Variants in ADAM32 observed in about 807,000 individuals in gnomAD.
ADAM32 encodes the protein disintegrin and metalloproteinase domain-containing protein 32.
Under a neutral mutation model 114.9 loss-of-function variants are expected in ADAM32, and 89 were observed. The ratio of observed to expected loss-of-function variants is 0.77; its 90% CI spans 0.65 to 0.92. ADAM32 has a LOEUF of 0.92. Among genes scored for constraint, ADAM32 ranks in the 40% least tolerant of loss-of-function variants. The pLI is 0.00. For missense variants in ADAM32, 870 were observed against 932.8 expected (o/e 0.93, Z 0.88); for synonymous variants, 285 against 307.5 (o/e 0.93, Z 0.77).
chr8:39,192,925 T>C (rs1564570039), intron 11 of ADAM32, among the ~76,000 whole-genome samples: 1 of 152,210 alleles, frequency 6.6e-6, no homozygotes, highest in Non-Finnish European at 1.5e-5. Flanking sequence ...TGACCTGTCC[T>C]TTCTATCTGG....
chr8:39,282,639 C>A (rs1813490186), intron 23 of ADAM32, among the ~76,000 whole-genome samples: 1 of 152,152 alleles, frequency 6.6e-6, no homozygotes, highest in Non-Finnish European at 1.5e-5. Flanking sequence ...ACTGTTAGAG[C>A]ATTTACTGTA....
chr8:39,201,102 T>C (rs1259477684), intron 11 of ADAM32, among the ~76,000 whole-genome samples: 1 of 152,204 alleles, frequency 6.6e-6, no homozygotes, highest in East Asian at 1.9e-4. Context: ...GACTTGGCAA[T>C]GAGGGCTCTT....
chr8:39,182,842 G>A (rs1805987820), intron 10 of ADAM32, among the ~76,000 whole-genome samples: 1 of 152,166 alleles, frequency 6.6e-6, no homozygotes, highest in South Asian at 2.1e-4. Context: ...GCTTTTGCAG[G>A]TGTTCTTTTC....
At chr8:39,141,322 C>A (rs1443382398) in intron 3 of ADAM32, among the ~76,000 whole-genome samples, 4 of 152,104 alleles carry the variant, frequency 2.6e-5, no homozygotes, top group South Asian at 2.1e-4. Context: ...CTTTTGTGGG[C>A]ATTTAGTGCT....
intron 9 of ADAM32, 95 bp downstream of exon 9, chr8:39,165,291 C>G (rs745634844): frequency 1.5e-5 from 14 of 963,210 alleles, no homozygotes; most frequent in Non-Finnish European, 1.9e-5. Context: ...TTCTGAATAT[C>G]CATGCTTTGA....
At chr8:39,134,707 T>C (rs544982185) in intron 2 of ADAM32, among the ~76,000 whole-genome samples, 1 of 152,318 alleles carries the variant, frequency 6.6e-6, no homozygotes, top group South Asian at 2.1e-4. Context: ...CTTCTGTATA[T>C]AGTCTGCAAA....
chr8:39,195,775 C>T (rs951726781), intron 11 of ADAM32, among the ~76,000 whole-genome samples: 1 of 152,088 alleles, frequency 6.6e-6, no homozygotes, highest in Admixed American at 6.6e-5. Context: ...TGTTTTTATA[C>T]CAATACTGTT....
At position 39,275,821 on chromosome 8, in the gene ADAM32, CT is replaced by C; in HGVS notation, c.2241-3del. The C allele has an allele frequency of 1.3e-6, 2 of 1,553,958 alleles. No homozygotes were observed. Among genetic ancestry groups the C allele is most frequent in the South Asian group, 1.2e-5 (1 of 82,774 alleles). ...CGTGGAAGCATTACTTTTTCGCTTTCTTTTAGAACCAGATCAGAAAGCAGCA... is the reference window on the plus strand; with the variant it reads ...CGTGGAAGCATTACTTTTTCGCTTTCTTTAGAACCAGATCAGAAAGCAGCA... On this transcript the variant is annotated splice_polypyrimidine_tract_variant and splice_region_variant and intron_variant, in intron 21 of 24. Coordinates refer to ENST00000379907, the MANE Select transcript of ADAM32 (RefSeq NM_145004.7).
At chr8:39,123,512 T>G (rs1801913920) in intron 2 of ADAM32, among the ~76,000 whole-genome samples, 1 of 152,178 alleles carries the variant, frequency 6.6e-6, no homozygotes, top group Non-Finnish European at 1.5e-5. Flanking sequence ...CAAATTCATT[T>G]CCCATATTGC....
chr8:39,222,930 C>A, intron 13 of ADAM32, 110 bp from the exon 14 acceptor site: 1 of 781,826 alleles, frequency 1.3e-6, no homozygotes, highest in Non-Finnish European at 2.0e-6. Context: ...TATTAATATA[C>A]ATTAATGGAT....
chr8:39,169,883 A>C, intron 9 of ADAM32, 33 bp from the exon 10 acceptor site: 1 of 1,442,860 alleles, frequency 6.9e-7, no homozygotes, highest in Non-Finnish European at 9.5e-7. Context: ...TTGTCTGTTA[A>C]AATCAATTAT....
intron 17 of ADAM32, among the ~76,000 whole-genome samples, chr8:39,253,027 C>T (rs2129450433): frequency 6.6e-6 from 1 of 151,682 alleles, no homozygotes; most frequent in Non-Finnish European, 1.5e-5. Flanking sequence ...AATATATCTA[C>T]AAACATGCAT....
At chr8:39,275,922 A>T in intron 22 of ADAM32, 56 bp downstream of exon 22, 5 of 1,445,178 alleles carry the variant, frequency 3.5e-6, no homozygotes, top group Non-Finnish European at 4.7e-6. Context: ...AAAAATTGAG[A>T]TGAACAAATT....
intron 16 of ADAM32, among the ~76,000 whole-genome samples, chr8:39,245,554 G>A (rs772328864): frequency 1.3e-5 from 2 of 152,130 alleles, no homozygotes; most frequent in African/African-American, 2.4e-5. Flanking sequence ...GATACACAAC[G>A]AGACACCAGG....
chr8:39,127,600 A>G (rs1480617581), intron 2 of ADAM32, among the ~76,000 whole-genome samples: 2 of 151,852 alleles, frequency 1.3e-5, no homozygotes, highest in African/African-American at 4.8e-5. Context: ...TAGTCTATCT[A>G]TATTATTATT....
intron 2 of ADAM32, among the ~76,000 whole-genome samples, chr8:39,127,074 T>C (rs988294280): frequency 3.9e-5 from 6 of 152,218 alleles, no homozygotes; most frequent in African/African-American, 1.4e-4. Context: ...AGTTTGCCAG[T>C]ATTTTATTCA....
At chr8:39,239,639 G>A (rs967420073) in intron 16 of ADAM32, among the ~76,000 whole-genome samples, 4 of 152,178 alleles carry the variant, frequency 2.6e-5, no homozygotes, top group Non-Finnish European at 1.5e-5. Flanking sequence ...ATGGCAGAAT[G>A]TATAATAATT....
intron 6 of ADAM32, among the ~76,000 whole-genome samples, chr8:39,160,203 A>C (rs75292386): frequency 0.017 from 2,515 of 152,280 alleles, 28 homozygotes; most frequent in Middle Eastern, 0.054. Context: ...GGAAAAATGA[A>C]CTCACCTCTT....
chr8:39,174,088 G>T (rs566316053), intron 10 of ADAM32, among the ~76,000 whole-genome samples: 2 of 152,352 alleles, frequency 1.3e-5, no homozygotes, highest in South Asian at 2.1e-4. Context: ...GCCTCCCAAA[G>T]TGTTGGGGTT....
Sources: allele counts gnomAD v4.1 joint callset (sites outside exome capture counted in the v4.1 genomes callset), GRCh38; gene constraint gnomAD v4.1.1; transcripts MANE v1.5; gene names NCBI Gene and HGNC (gene_info 2026-07-23, HGNC 2026-07-21).